Variants in LRRC4C observed in about 807,000 individuals in gnomAD.
The protein encoded by LRRC4C is leucine-rich repeat-containing protein 4C.
Under a neutral mutation model 33.6 loss-of-function variants are expected in LRRC4C, and 5 were observed. The observed-to-expected ratio is 0.15, with a 90% confidence interval of 0.08 to 0.31. LRRC4C has a LOEUF of 0.31. LRRC4C is among the 10% of genes least tolerant of loss of function. The pLI is 1.00. For missense variants in LRRC4C, 560 were observed against 796.7 expected (o/e 0.70, Z 3.58); for synonymous variants, 329 against 302.0 (o/e 1.09, Z -0.93).
At chr11:41,410,413 TTTC>T (rs1954422500) in intron 1 of LRRC4C, among the ~76,000 whole-genome samples, 1 of 151,296 alleles carries the variant, frequency 6.6e-6, no homozygotes, top group African/African-American at 2.4e-5. Context: ...TTTTTTTTTT[TTTC>T]TTTTTTTTTT....
intron 1 of LRRC4C, among the ~76,000 whole-genome samples, chr11:41,427,330 A>G (rs1365662614): frequency 1.3e-5 from 2 of 152,082 alleles, no homozygotes; most frequent in African/African-American, 4.8e-5. Flanking sequence ...GGACATGGAG[A>G]TACAGTAGTG....
chr11:41,050,017 T>G (rs1010157778), intron 1 of LRRC4C, among the ~76,000 whole-genome samples: 1 of 152,144 alleles, frequency 6.6e-6, no homozygotes, highest in Admixed American at 6.6e-5. Context: ...TTCATTAACT[T>G]GGGGGTAAAT....
intron 1 of LRRC4C, among the ~76,000 whole-genome samples, chr11:41,382,160 T>G (rs921485852): frequency 6.6e-6 from 1 of 151,956 alleles, no homozygotes; most frequent in African/African-American, 2.4e-5. Flanking sequence ...ATATAAATAC[T>G]TTGTAGTGAA....
chr11:41,056,444 C>T (rs755942971), intron 1 of LRRC4C, among the ~76,000 whole-genome samples: 66 of 152,138 alleles, frequency 4.3e-4, no homozygotes, highest in Non-Finnish European at 8.1e-4. Flanking sequence ...AGCTCCTGCA[C>T]ATCAAAAGAC....
intron 3 of LRRC4C, among the ~76,000 whole-genome samples, chr11:40,521,608 T>G (rs1181399929): frequency 2.0e-5 from 3 of 152,086 alleles, no homozygotes; most frequent in Non-Finnish European, 4.4e-5. Flanking sequence ...CGGTGGCTCA[T>G]GCCTGTAATC....
In LRRC4C at chr11:40,361,124, C is replaced by T. The variant is rs527672002; in HGVS notation, c.-269-41403G>A. ...AATAATAAGAGCCATGTATGACAAA[C>T]CCATAACTAACATCATACTAACTGG... On this transcript the variant is annotated intron_variant, in intron 3 of 6. Coordinates refer to ENST00000528697, the MANE Select transcript of LRRC4C (RefSeq NM_001258419.2). Among the ~76,000 whole-genome samples, 8 of 152,198 alleles carry T rather than the reference C, an allele frequency of 5.3e-5. No homozygotes were observed. In the South Asian group the frequency reaches 1.7e-3, roughly 32 times the overall value.
rs1027228473 is a variant in LRRC4C at position 41,198,662 on chromosome 11, T to C, written c.-496+260769A>G. Among the ~76,000 whole-genome samples the C allele has an allele frequency of 2.0e-5, 3 of 151,352 alleles. No homozygotes were observed. The East Asian group carries it at 5.8e-4, about 29-fold the overall frequency. ...TGGAGGGAAATAGAAAAACACACAC[T>C]CAATTTTGGTCTGTGGGAAAGACAC... On this transcript the variant is annotated intron_variant, in intron 1 of 6. Coordinates refer to ENST00000528697, the MANE Select transcript of LRRC4C (RefSeq NM_001258419.2).
chr11:40,595,195 T>C (rs976956137), intron 3 of LRRC4C, among the ~76,000 whole-genome samples: 5 of 151,872 alleles, frequency 3.3e-5, no homozygotes, highest in Non-Finnish European at 7.4e-5. Flanking sequence ...TTAAGCCAAA[T>C]CAAGGATAAA....
chr11:40,350,685 T>C (rs1006841769), intron 3 of LRRC4C, among the ~76,000 whole-genome samples: 5 of 152,072 alleles, frequency 3.3e-5, no homozygotes, highest in African/African-American at 1.2e-4. Context: ...CTTTGGAAAG[T>C]AAGAACTTTT....
chr11:41,093,282 T>C, intron 1 of LRRC4C, among the ~76,000 whole-genome samples: 1 of 152,218 alleles, frequency 6.6e-6, no homozygotes, highest in East Asian at 1.9e-4. Context: ...CTTACACTGA[T>C]TGTTCATCAG....
intron 1 of LRRC4C, among the ~76,000 whole-genome samples, chr11:41,269,225 T>A (rs538102887): frequency 6.6e-6 from 1 of 152,206 alleles, no homozygotes; most frequent in Non-Finnish European, 1.5e-5. Context: ...AGATCCAAAG[T>A]GCTCAGTGAG....
chr11:40,988,877 C>T (rs573040875), intron 1 of LRRC4C, among the ~76,000 whole-genome samples: 2 of 151,756 alleles, frequency 1.3e-5, no homozygotes, highest in Non-Finnish European at 2.9e-5. Context: ...CCACCACGCC[C>T]GGCTAATTCT....
At chr11:40,187,545 G>A (rs1338953930) in intron 5 of LRRC4C, among the ~76,000 whole-genome samples, 1 of 151,976 alleles carries the variant, frequency 6.6e-6, no homozygotes, top group Non-Finnish European at 1.5e-5. Context: ...GAGCAGCCCA[G>A]TTTCAAGCAC....
intron 4 of LRRC4C, among the ~76,000 whole-genome samples, chr11:40,294,731 G>A (rs1322296711): frequency 1.3e-5 from 2 of 152,096 alleles, no homozygotes; most frequent in African/African-American, 4.8e-5. Flanking sequence ...GGAGACTGAG[G>A]CAGGATAATT....
intron 1 of LRRC4C, among the ~76,000 whole-genome samples, chr11:41,207,230 C>T (rs751829906): frequency 6.0e-4 from 91 of 152,152 alleles, no homozygotes; most frequent in Non-Finnish European, 5.0e-4. Flanking sequence ...AGTTGATATG[C>T]CCTGTCCTAG....
At chr11:40,305,069 C>T (rs1944963637) in intron 4 of LRRC4C, among the ~76,000 whole-genome samples, 1 of 152,168 alleles carries the variant, frequency 6.6e-6, no homozygotes, top group East Asian at 1.9e-4. Context: ...ACATTTCCTG[C>T]CCTAGCACTA....
At chr11:40,556,165 T>G (rs1957325356) in intron 3 of LRRC4C, among the ~76,000 whole-genome samples, 1 of 152,226 alleles carries the variant, frequency 6.6e-6, no homozygotes, top group Non-Finnish European at 1.5e-5. Flanking sequence ...AAAGGCAATT[T>G]CCTAGCCTGG....
At position 41,443,781 on chromosome 11, in the gene LRRC4C, AT is replaced by A. The variant is rs11419487; in HGVS notation, c.-496+15649del. Among the ~76,000 whole-genome samples, 373 of 115,114 alleles carry A rather than the reference AT, an allele frequency of 3.2e-3. 1 individual carries two copies. Among genetic ancestry groups the A allele is most frequent in the East Asian group, 0.014 (55 of 3,822 alleles). 75.5% of individuals were successfully genotyped at this position (115,114 alleles called of 152,430 possible). A position where few individuals can be genotyped will look rare whatever the true frequency, so the allele number is the denominator to read the frequency against. On this transcript the variant is annotated intron_variant, in intron 1 of 6. Coordinates refer to ENST00000528697, the MANE Select transcript of LRRC4C (RefSeq NM_001258419.2). ...CAGGTGCCCACCACCACACCTAGCT[AT>A]TTTTTTTTTTTTTTTTTTTTAGCAG...
At chr11:40,362,489 G>A (rs1165147827) in intron 3 of LRRC4C, among the ~76,000 whole-genome samples, 2 of 152,196 alleles carry the variant, frequency 1.3e-5, no homozygotes, top group African/African-American at 2.4e-5. Flanking sequence ...GGAGGCCAAG[G>A]CAGGTGGAAC....
Sources: allele counts gnomAD v4.1 joint callset (sites outside exome capture counted in the v4.1 genomes callset), GRCh38; gene constraint gnomAD v4.1.1; transcripts MANE v1.5; gene names NCBI Gene and HGNC (gene_info 2026-07-23, HGNC 2026-07-21).